The following CAMSAP2 variants were observed in gnomAD, a reference collection of about 807,000 sequenced individuals.
CAMSAP2 encodes the protein calmodulin regulated spectrin associated protein family member 2.
Under a neutral mutation model 146.1 loss-of-function variants are expected in CAMSAP2, and 26 were observed. The observed-to-expected ratio is 0.18, with a 90% CI of 0.13 to 0.25. The LOEUF is 0.25. Ranked by LOEUF, CAMSAP2 falls within the 10% of genes least tolerant of loss-of-function variation. CAMSAP2 has a pLI of 1.00. For synonymous variants in CAMSAP2, 499 were observed against 596.6 expected, an observed-to-expected ratio of 0.84 and a Z score of 2.38; for missense variants, 1,381 against 1,759.3, an observed-to-expected ratio of 0.78 and a Z score of 3.85.
In CAMSAP2 at chr1:200,738,988, A is replaced by AG. The variant is rs917499849; in HGVS notation, c.-834dup. 6.6e-5 allele frequency among the ~76,000 whole-genome samples: 10 copies of AG among 150,608 alleles called. No individual in the cohort carries two copies. Among genetic ancestry groups the AG allele is most frequent in the Admixed American group, 2.0e-4 (3 of 15,160 alleles). On this transcript the variant is annotated 5_prime_UTR_variant, in exon 1 of 17. Coordinates refer to ENST00000358823, the MANE Select transcript of CAMSAP2 (RefSeq NM_203459.4). ...GGGAACGATCCAGCGAGCTGCAGAA[A>AG]GGGGGGCAGGAAAAAATTACAAGGA...
intron 7 of CAMSAP2, among the ~76,000 whole-genome samples, chr1:200,843,240 T>C (rs1257204973): frequency 1.3e-5 from 2 of 151,776 alleles, no homozygotes; most frequent in African/African-American, 4.8e-5. Context: ...CCCCAAAAAA[T>C]AAAAGAAGAG....
At position 200,852,661 on chromosome 1, in the gene CAMSAP2, A is replaced by G. The variant is rs777390625; in HGVS notation, c.3586A>G (p.Lys1196Glu). ...ACAGTTGGAAGCAGAAATGGAGCAT[A>G]AGAAGGAGGAAACAAGGTAAAGGAA... The part of the protein sequence containing the change: ...KQQLEAEMEH[K>E]KEETRRKTEE... Residue 1196 changes from lysine (K) to glutamate (E), a missense_variant, in exon 12 of 17, where the codon AAG (lysine) becomes GAG (glutamate). Coordinates refer to ENST00000358823, the MANE Select transcript of CAMSAP2 (RefSeq NM_203459.4). 1 of 1,613,294 alleles carries G rather than the reference A, an allele frequency of 6.2e-7. No homozygotes were observed. Among genetic ancestry groups the G allele is most frequent in the East Asian group, 2.2e-5 (1 of 44,840 alleles).
At chr1:200,811,594 T>C (rs566215951) in intron 3 of CAMSAP2, among the ~76,000 whole-genome samples, 35 of 152,296 alleles carry the variant, frequency 2.3e-4, no homozygotes, top group African/African-American at 8.4e-4. Flanking sequence ...TGCTCACCAG[T>C]ACCTCCAACA....
chr1:200,808,054 T>A (rs2102146338), intron 3 of CAMSAP2, among the ~76,000 whole-genome samples: 1 of 152,332 alleles, frequency 6.6e-6, no homozygotes, highest in South Asian at 2.1e-4. Flanking sequence ...TATTTATAAT[T>A]ACTCTTAATG....
chr1:200,740,059 G>A, intron 1 of CAMSAP2, 93 bp downstream of exon 1: 1 of 1,410,322 alleles, frequency 7.1e-7, no homozygotes, highest in East Asian at 2.3e-5. Context: ...CCCTCCCCGT[G>A]CCTGTCTTCT....
chr1:200,850,046 C>T lies in CAMSAP2; in HGVS notation c.3277C>T (p.Pro1093Ser), dbSNP rs1667575141. Residue 1093 changes from proline (P) to serine (S), a missense_variant, in exon 11 of 17, where the codon CCC becomes TCC. Transcript: ENST00000358823. ...LTPNEDQLNQ[P>S]TEPPPKPVFP... ...ACCAAATGAGGACCAATTGAATCAACCCACAGAACCCCCTCCTAAACCCGT... is the reference window on the plus strand; with the variant it reads ...ACCAAATGAGGACCAATTGAATCAATCCACAGAACCCCCTCCTAAACCCGT... The T allele has an allele frequency of 1.2e-6, 2 of 1,611,946 alleles. No homozygotes were observed. The highest frequency in any genetic ancestry group is 1.7e-6 in the Non-Finnish European group (2 of 1,179,106).
Position 200,807,517 on chromosome 1 carries a change from G to A in CAMSAP2, c.541G>A (p.Val181Ile). The change falls in exon 3 of 17, where the codon GTC becomes ATC. Residue 181 changes from valine to isoleucine, a missense_variant. Physicochemically the swap from Val to Ile is conservative, Grantham distance 29 (BLOSUM62 3). Around this residue, in one of 4 missense-constraint regions of CAMSAP2, gnomAD observed 284 missense variants for 406.9 expected, o/e 0.70. Coordinates refer to ENST00000358823, the MANE Select transcript of CAMSAP2 (RefSeq NM_203459.4). ...TCTGCCCTATGATATTGAGGACGCT[G>A]TCATGTACTGGATAAATAAGGTAGG... is the stretch of plus-strand genomic sequence containing the variant. The part of the protein sequence containing the change: ...TDLPYDIEDA[V>I]MYWINKVNEH... 6.2e-7 allele frequency: 1 copy of A among 1,600,080 alleles called. No individual in the cohort carries two copies. The highest frequency in any genetic ancestry group is 8.5e-7 in the Non-Finnish European group (1 of 1,172,858).
Position 200,849,096 on chromosome 1 carries a change from CCAAA to C in CAMSAP2, c.2330_2333del (p.Lys777ArgfsTer13). On this transcript the variant is annotated frameshift_variant, in exon 11 of 17. Coordinates refer to ENST00000358823, the MANE Select transcript of CAMSAP2 (RefSeq NM_203459.4). LOFTEE classifies it high-confidence loss of function. The surrounding 1 kb of genome is among the most constrained non-coding windows in gnomAD (Gnocchi z 6.3). ...AAAAAGAAAATGGAAGCTGCTTTTA[CCAAA>C]CAGAGACAGAAAATGGGAAGGACAG... 6.2e-7 allele frequency: 1 copy of C among 1,613,916 alleles called. No individual in the cohort carries two copies.
chr1:200,788,431 A>G (rs1328484826), intron 2 of CAMSAP2, among the ~76,000 whole-genome samples: 7 of 152,018 alleles, frequency 4.6e-5, no homozygotes, highest in Admixed American at 3.9e-4. Context: ...GAGTAATAAT[A>G]TGTTTAGTTT....
At chr1:200,764,027 C>T (rs1233868549) in intron 2 of CAMSAP2, among the ~76,000 whole-genome samples, 1 of 151,976 alleles carries the variant, frequency 6.6e-6, no homozygotes, top group Non-Finnish European at 1.5e-5. Context: ...GCCGAGATTG[C>T]GCCACTGCAC....
rs145051907 is a variant in CAMSAP2 at position 200,750,573 on chromosome 1, A to ATGTG, written c.140-10246_140-10243dup. Among the ~76,000 whole-genome samples, 1,285 of 146,712 alleles carry ATGTG rather than the reference A, an allele frequency of 8.8e-3. 15 individuals carry two copies. The highest frequency in any genetic ancestry group is 0.023 in the African/African-American group (912 of 39,664). On this transcript the variant is annotated intron_variant, in intron 1 of 16. Transcript: ENST00000358823. ...TCCTACCTCCCACACAAATGCCTGTATGTGTGTGTGTGTGTGTGTGTGTAG... is the reference window on the plus strand; with the variant it reads ...TCCTACCTCCCACACAAATGCCTGTATGTGTGTGTGTGTGTGTGTGTGTGTGTAG...
intron 11 of CAMSAP2, among the ~76,000 whole-genome samples, chr1:200,850,672 A>T (rs1389453283): frequency 6.6e-6 from 1 of 152,202 alleles, no homozygotes; most frequent in Non-Finnish European, 1.5e-5. Context: ...GAAGAAAATC[A>T]TTAGTATAAA....
chr1:200,853,388 C>T lies in CAMSAP2; in HGVS notation c.3716C>T (p.Thr1239Ile). ...KQLKLMEDMDTVIKPRPQVVK... is the reference protein window; with the variant it reads ...KQLKLMEDMDIVIKPRPQVVK... ...CTGAAACTAATGGAAGATATGGATA[C>T]AGTAATTAAACCCCGTCCTCAAGTA... The change falls in exon 13 of 17, where the codon ACA (threonine) becomes ATA (isoleucine). Residue 1239 changes from threonine (T) to isoleucine (I), a missense_variant. Coordinates refer to ENST00000358823, the MANE Select transcript of CAMSAP2 (RefSeq NM_203459.4). The surrounding 1 kb of genome is among the most constrained non-coding windows in gnomAD (Gnocchi z 5.1). 1 of 1,613,724 alleles carries T rather than the reference C, an allele frequency of 6.2e-7. No homozygotes were observed. The highest frequency in any genetic ancestry group is 1.1e-5 in the South Asian group (1 of 91,074).
chr1:200,759,361 C>T lies in CAMSAP2; in HGVS notation c.140-1478C>T, dbSNP rs61827511. ...ATGGCGCGATCTCACTCTCTGCAAC[C>T]TCTGCCTCCTAGGTTCAAGCAATTC... On this transcript the variant is annotated intron_variant, in intron 1 of 16. Coordinates refer to ENST00000358823, the MANE Select transcript of CAMSAP2 (RefSeq NM_203459.4). Among the ~76,000 whole-genome samples, 888 of 151,410 alleles carry T rather than the reference C, an allele frequency of 5.9e-3. 7 individuals carry two copies. Among genetic ancestry groups the T allele is most frequent in the Non-Finnish European group, 8.7e-3 (588 of 67,892 alleles).
At chr1:200,803,617 G>T (rs1453463966) in intron 2 of CAMSAP2, among the ~76,000 whole-genome samples, 1 of 138,478 alleles carries the variant, frequency 7.2e-6, no homozygotes, top group Non-Finnish European at 1.6e-5. Context: ...AAGTTAAGAA[G>T]TAAAAAAAAA....
intron 6 of CAMSAP2, among the ~76,000 whole-genome samples, chr1:200,840,906 A>G (rs1558203736): frequency 6.6e-6 from 1 of 152,192 alleles, no homozygotes; most frequent in South Asian, 2.1e-4. Context: ...AGTTTTTAAA[A>G]ATTTACCGAA....
At chr1:200,770,173 G>A (rs949585027) in intron 2 of CAMSAP2, among the ~76,000 whole-genome samples, 14 of 152,160 alleles carry the variant, frequency 9.2e-5, no homozygotes, top group Non-Finnish European at 1.9e-4. Context: ...GATGACATGA[G>A]GGATGAGGAA....
intron 2 of CAMSAP2, among the ~76,000 whole-genome samples, chr1:200,768,485 A>G (rs1287393043): frequency 6.6e-6 from 1 of 152,112 alleles, no homozygotes; most frequent in Non-Finnish European, 1.5e-5. Flanking sequence ...TGGGAACCCT[A>G]GTGTAGGGTT....
chr1:200,816,906 ACGCGTGTG>A (rs1666552983), intron 4 of CAMSAP2, among the ~76,000 whole-genome samples: 2 of 75,548 alleles, frequency 2.6e-5, no homozygotes, highest in Non-Finnish European at 5.4e-5. Flanking sequence ...GTACACACAC[ACGCGTGTG>A]TATGTGTGTA....
Sources: gnomAD v4.1 joint callset for allele counts (sites outside exome capture counted in the v4.1 genomes callset) on GRCh38, gnomAD v4.1.1 for gene constraint, gnomAD v4.1.1 regional missense constraint, Gnocchi (gnomAD v3.1) non-coding constraint, MANE v1.5 for transcripts, NCBI Gene and HGNC (gene_info 2026-07-23, HGNC 2026-07-21) for gene names.